SLC30A9: variants seen among roughly 807,000 people sequenced by gnomAD.
SLC30A9 encodes proton-coupled zinc antiporter SLC30A9, mitochondrial.
In SLC30A9, 58 loss-of-function variants were observed where a neutral mutation model predicts 87.5. The ratio of observed to expected loss-of-function variants is 0.66; its 90% CI spans 0.54 to 0.82. The LOEUF (loss-of-function observed/expected upper bound fraction) is 0.82. Ranked by LOEUF, SLC30A9 falls within the 40% of genes least tolerant of loss-of-function variation. SLC30A9 has a pLI of 0.00. For synonymous variants in SLC30A9, 234 were observed against 233.0 expected (o/e 1.00, Z -0.04); for missense variants, 557 against 679.1 (o/e 0.82, Z 2.00).
rs752353443 is a variant in SLC30A9, at chr4:42,078,179, A to G, written c.1549-33A>G. ...TAAGTGTACCACTATGGTTTTTTAA[A>G]AATTTATTTTCCTGTTTTCATTTTC... is the stretch of plus-strand genomic sequence containing the variant. On this transcript the variant is annotated intron_variant, in intron 16 of 17. Coordinates refer to ENST00000264451, the MANE Select transcript of SLC30A9 (RefSeq NM_006345.4). 3.5e-6 allele frequency: 4 copies of G among 1,134,034 alleles called. No individual in the cohort carries two copies. The South Asian group carries it at 5.6e-5, about 16-fold the overall frequency. 70.2% of individuals were successfully genotyped at this position (1,134,034 alleles called of 1,614,324 possible). A position where few individuals can be genotyped will look rare whatever the true frequency, so the allele number is the denominator to read the frequency against.
At chr4:42,067,503 G>A (rs887749990) in intron 14 of SLC30A9, among the ~76,000 whole-genome samples, 2 of 152,192 alleles carry the variant, frequency 1.3e-5, no homozygotes, top group Admixed American at 1.3e-4. Context: ...CTATAAAAGT[G>A]TGGATAATAT....
rs1179892330 is a variant in SLC30A9 at position 42,067,024 on chromosome 4, C to T, written c.1145-61C>T. 3 of 908,920 alleles carry T rather than the reference C, an allele frequency of 3.3e-6. No homozygotes were observed. In the African/African-American group the frequency reaches 5.0e-5, roughly 15 times the overall value. The allele number at this position is 908,920 out of a possible 1,614,324, so 56.3% of individuals were successfully genotyped here. A position where few individuals can be genotyped will look rare whatever the true frequency, so the allele number is the denominator to read the frequency against. ...AAATGGATACTTATTAAAATGTTACCTGATAGTATCAAGTTAAGATTTTAG... is the reference window on the plus strand; with the variant it reads ...AAATGGATACTTATTAAAATGTTACTTGATAGTATCAAGTTAAGATTTTAG... On this transcript the variant is annotated intron_variant, in intron 13 of 17. Coordinates refer to ENST00000264451, the MANE Select transcript of SLC30A9 (RefSeq NM_006345.4).
rs200061915 is a variant in SLC30A9 at position 42,076,974 on chromosome 4, A to AAAAAAAAAAG, written c.1548+1191_1548+1192insAAAAAAGAAA. On this transcript the variant is annotated intron_variant, in intron 16 of 17. Transcript: ENST00000264451. ...GAGACTCCGTCTCAAAAAAAAAAAA[A>AAAAAAAAAAG]AAAGAAAGAAACAATGCCATGATTG... 3.5e-5 allele frequency among the ~76,000 whole-genome samples: 5 copies of AAAAAAAAAAG among 141,262 alleles called. 1 individual carries two copies. The highest frequency in any genetic ancestry group is 7.6e-5 in the Non-Finnish European group (5 of 65,856). 92.7% of individuals were successfully genotyped at this position (141,262 alleles called of 152,430 possible).
At chr4:42,012,587 T>G (rs1715497113) in intron 2 of SLC30A9, among the ~76,000 whole-genome samples, 1 of 152,204 alleles carries the variant, frequency 6.6e-6, no homozygotes, top group Admixed American at 6.5e-5. Flanking sequence ...CCTCAAGTAT[T>G]TATCCTTTGG....
chr4:42,036,577 T>C (rs1201559125), intron 7 of SLC30A9, among the ~76,000 whole-genome samples: 1 of 152,248 alleles, frequency 6.6e-6, no homozygotes, highest in East Asian at 1.9e-4. Context: ...TAATGTCATA[T>C]TTGGATAAAA....
rs1342849356 is a variant in SLC30A9, at chr4:42,013,460, C to T, written c.275-4651C>T. Among the ~76,000 whole-genome samples the T allele has an allele frequency of 8.5e-5, 13 of 152,110 alleles. 1 individual carries two copies. ...GAATATTACCAGATTTCAAATTATA[C>T]TACAGGGCTTTAATAATCTAAACAG... On this transcript the variant is annotated intron_variant, in intron 2 of 17. Transcript: ENST00000264451.
chr4:42,038,015 G>GGGGA lies in SLC30A9; in HGVS notation c.670-971_670-970insGGGA, dbSNP rs1716765119. On this transcript the variant is annotated intron_variant, in intron 7 of 17. Transcript: ENST00000264451. ...TCAAACTCCTGAGCTCAAGCAGTCT[G>GGGGA]CCCATCTTGGCCTCCCAAAGTGCTA... 3.9e-5 allele frequency among the ~76,000 whole-genome samples: 6 copies of GGGGA among 152,108 alleles called. No homozygotes were observed. The South Asian group carries it at 1.2e-3, about 32-fold the overall frequency.
At position 42,032,218 on chromosome 4, in the gene SLC30A9, A is replaced by C. The variant is rs561005993; in HGVS notation, c.611-3057A>C. Among the ~76,000 whole-genome samples the C allele has an allele frequency of 7.6e-3, 1,122 of 146,672 alleles. 9 individuals carry two copies. Among genetic ancestry groups the C allele is most frequent in the African/African-American group, 0.028 (1,048 of 37,678 alleles). Reference sequence around the variant, plus strand: ...ACCCCCATGACCCAGTTACCCCCCCACCAGGCCCCACCTCCAACAATTGGA... The same window carrying C: ...ACCCCCATGACCCAGTTACCCCCCCCCCAGGCCCCACCTCCAACAATTGGA... On this transcript the variant is annotated intron_variant, in intron 6 of 17. Transcript: ENST00000264451.
At chr4:42,071,501 A>G (rs1015096789) in intron 15 of SLC30A9, among the ~76,000 whole-genome samples, 1 of 152,256 alleles carries the variant, frequency 6.6e-6, no homozygotes, top group Non-Finnish European at 1.5e-5. Context: ...TATTGGAACA[A>G]GATTAGAAAA....
At chr4:42,084,407 A>G (rs1340852105) in intron 17 of SLC30A9, among the ~76,000 whole-genome samples, 2 of 152,058 alleles carry the variant, frequency 1.3e-5, no homozygotes, top group Non-Finnish European at 2.9e-5. Flanking sequence ...AATATGTTAC[A>G]TTTTATTATA....
intron 12 of SLC30A9, among the ~76,000 whole-genome samples, chr4:42,066,084 A>G (rs370763226): frequency 6.6e-6 from 1 of 152,186 alleles, no homozygotes; most frequent in South Asian, 2.1e-4. Flanking sequence ...AAACTGCCTG[A>G]TTCACTGCTG....
intron 15 of SLC30A9, among the ~76,000 whole-genome samples, chr4:42,074,880 A>G (rs1350820885): frequency 6.6e-6 from 1 of 151,500 alleles, no homozygotes; most frequent in Non-Finnish European, 1.5e-5. Context: ...GTGAACATAC[A>G]ATTGGTTAAT....
chr4:42,005,561 AC>A (rs1715165605), intron 2 of SLC30A9, among the ~76,000 whole-genome samples: 1 of 152,176 alleles, frequency 6.6e-6, no homozygotes, highest in East Asian at 1.9e-4. Context: ...TCTTGGCAGA[AC>A]CTAGTCTTAT....
intron 14 of SLC30A9, among the ~76,000 whole-genome samples, chr4:42,067,850 T>A (rs1198088406): frequency 6.6e-6 from 1 of 152,222 alleles, no homozygotes; most frequent in Non-Finnish European, 1.5e-5. Flanking sequence ...GATGGCATCC[T>A]GGCCAGGTCT....
intron 2 of SLC30A9, among the ~76,000 whole-genome samples, chr4:42,003,060 A>G (rs1715053903): frequency 6.6e-6 from 1 of 152,132 alleles, no homozygotes; most frequent in South Asian, 2.1e-4. Context: ...TTATTTGTAA[A>G]TCTAAATGTA....
intron 6 of SLC30A9, 57 bp from the exon 7 acceptor site, chr4:42,035,218 C>G: frequency 6.6e-7 from 1 of 1,516,284 alleles, no homozygotes; most frequent in Non-Finnish European, 9.1e-7. Flanking sequence ...TCATGTTCAT[C>G]TAAACTGTGA....
At chr4:41,994,886 G>A (rs544223175) in intron 1 of SLC30A9, among the ~76,000 whole-genome samples, 1 of 150,202 alleles carries the variant, frequency 6.7e-6, no homozygotes, top group Non-Finnish European at 1.5e-5. Flanking sequence ...GTTTAAAGAG[G>A]TTGGGGAGGA....
At chr4:42,018,280 A>G in intron 3 of SLC30A9, 110 bp downstream of exon 3, 1 of 752,248 alleles carries the variant, frequency 1.3e-6, no homozygotes, top group Non-Finnish European at 2.1e-6. Context: ...AGTATAGTTT[A>G]TTTTTTACTT....
At chr4:41,996,645 A>C (rs1714723838) in intron 1 of SLC30A9, among the ~76,000 whole-genome samples, 1 of 152,128 alleles carries the variant, frequency 6.6e-6, no homozygotes. Context: ...CAGGAGTCTG[A>C]GATGGGAAAA....
Sources: allele counts gnomAD v4.1 joint callset (sites outside exome capture counted in the v4.1 genomes callset), GRCh38; gene constraint gnomAD v4.1.1; transcripts MANE v1.5; gene names NCBI Gene and HGNC (gene_info 2026-07-23, HGNC 2026-07-21).